MRPS14: variants seen among roughly 807,000 people sequenced by gnomAD.
MRPS14 encodes mitochondrial ribosomal protein S14.
A neutral mutation model predicts 16.4 loss-of-function variants in MRPS14; 14 were observed. The observed-to-expected ratio is 0.85, with a 90% CI of 0.56 to 1.33. The LOEUF (loss-of-function observed/expected upper bound fraction) is 1.33. Among genes scored for constraint, MRPS14 ranks in the 40% most tolerant of loss-of-function variants. The pLI is 0.00. For synonymous variants in MRPS14, 54 were observed against 61.9 expected (o/e 0.87, Z 0.60); for missense variants, 162 against 176.8 (o/e 0.92, Z 0.48).
chr1:175,020,792 G>A (rs1425274004), intron 1 of MRPS14, among the ~76,000 whole-genome samples: 1 of 152,060 alleles, frequency 6.6e-6, no homozygotes, highest in Non-Finnish European at 1.5e-5. Context: ...TATTTCTTCT[G>A]TGAACATTTT....
intron 2 of MRPS14, among the ~76,000 whole-genome samples, chr1:175,015,779 T>C (rs906337911): frequency 1.3e-5 from 2 of 152,202 alleles, no homozygotes; most frequent in African/African-American, 4.8e-5. Context: ...ATGGACCCTG[T>C]GCTAGACTGC....
chr1:175,022,434 CCTCT>C (rs200235646), intron 1 of MRPS14: 3 of 148,198 alleles, frequency 2.0e-5, no homozygotes, highest in African/African-American at 5.1e-5. Flanking sequence ...GACCCCATAG[CCTCT>C]CTCTCTTTTT....
At chr1:175,022,054 T>A (rs868215088) in intron 1 of MRPS14, among the ~76,000 whole-genome samples, 2 of 152,202 alleles carry the variant, frequency 1.3e-5, no homozygotes, top group African/African-American at 2.4e-5. Flanking sequence ...TAATTAAAAT[T>A]CAAAACCAAA....
chr1:175,018,712 G>T, intron 1 of MRPS14, 136 bp from the exon 2 acceptor site: 1 of 724,906 alleles, frequency 1.4e-6, no homozygotes. Flanking sequence ...CAGTTTAATA[G>T]TTTAAGATAA....
chr1:175,020,311 G>T (rs1672958592), intron 1 of MRPS14, among the ~76,000 whole-genome samples: 1 of 152,120 alleles, frequency 6.6e-6, no homozygotes, highest in Admixed American at 6.5e-5. Flanking sequence ...TCACATTGAG[G>T]GGCAATGTGA....
chr1:175,016,204 AAAAC>A (rs1233417612), intron 2 of MRPS14, among the ~76,000 whole-genome samples: 5 of 152,070 alleles, frequency 3.3e-5, no homozygotes, highest in African/African-American at 7.2e-5. Flanking sequence ...CAAAAAAAAA[AAAAC>A]AAAAAAAAAC....
chr1:175,015,257 G>A (rs1223313946), intron 2 of MRPS14, among the ~76,000 whole-genome samples: 1 of 152,106 alleles, frequency 6.6e-6, no homozygotes, highest in Non-Finnish European at 1.5e-5. Context: ...CCACTGGCAG[G>A]TAATGTTCAT....
chr1:175,014,917 A>G (rs1574115799), intron 2 of MRPS14, 66 bp from the exon 3 acceptor site: 2 of 1,374,020 alleles, frequency 1.5e-6, no homozygotes, highest in East Asian at 5.0e-5. Context: ...GCTCCTTCTC[A>G]CTTGCAGGTA....
chr1:175,016,194 C>CA (rs57811664), intron 2 of MRPS14, among the ~76,000 whole-genome samples: 11,215 of 92,640 alleles, frequency 0.12, 443 homozygotes, highest in African/African-American at 0.15. Context: ...AACCCCATCT[C>CA]AAAAAAAAAA....
intron 1 of MRPS14, chr1:175,023,134 G>C: frequency 2.9e-6 from 3 of 1,026,794 alleles, no homozygotes; most frequent in Non-Finnish European, 4.1e-6. Context: ...CTTACAAATC[G>C]GAGTCAATCT....
chr1:175,018,001 G>A (rs1190901419), intron 2 of MRPS14, among the ~76,000 whole-genome samples: 1 of 152,122 alleles, frequency 6.6e-6, no homozygotes, highest in African/African-American at 2.4e-5. Flanking sequence ...GCATGTGCCT[G>A]TAATCCCAGT....
At chr1:175,016,387 A>T (rs1484145974) in intron 2 of MRPS14, among the ~76,000 whole-genome samples, 1 of 152,152 alleles carries the variant, frequency 6.6e-6, no homozygotes, top group Admixed American at 6.5e-5. Context: ...TTGTTCCCCG[A>T]AAGATTTAAG....
rs949150719 is a variant in MRPS14, at chr1:175,014,499, A to G, written c.*170T>C. The G allele has an allele frequency of 5.2e-6, 3 of 574,958 alleles. No individual in the cohort carries two copies. The highest frequency in any genetic ancestry group is 1.9e-5 in the African/African-American group (1 of 53,088). The allele number at this position is 574,958 out of a possible 1,614,324, so 35.6% of individuals were successfully genotyped here. A position where few individuals can be genotyped will look rare whatever the true frequency, so the allele number is the denominator to read the frequency against. On this transcript the variant is annotated 3_prime_UTR_variant, in exon 3 of 3. Coordinates refer to ENST00000476371, the MANE Select transcript of MRPS14 (RefSeq NM_022100.3). Reference sequence around the variant, plus strand: ...AGAGAAAAGATAATTCACTGACATGAAACACCCAAATGTCTTCATTTTAAA... The same window carrying G: ...AGAGAAAAGATAATTCACTGACATGGAACACCCAAATGTCTTCATTTTAAA...
At chr1:175,015,488 A>ATT (rs1672865086) in intron 2 of MRPS14, among the ~76,000 whole-genome samples, 1 of 152,172 alleles carries the variant, frequency 6.6e-6, no homozygotes, top group Non-Finnish European at 1.5e-5. Context: ...CTAGAGAAGG[A>ATT]GGAAGGAGAG....
chr1:175,017,042 T>C (rs1301065910), intron 2 of MRPS14, among the ~76,000 whole-genome samples: 1 of 149,412 alleles, frequency 6.7e-6, no homozygotes, highest in South Asian at 2.1e-4. Flanking sequence ...CTCAGTTTCT[T>C]GGGGGCCCCC....
chr1:175,020,561 T>G (rs1672963215), intron 1 of MRPS14, among the ~76,000 whole-genome samples: 1 of 152,056 alleles, frequency 6.6e-6, no homozygotes, highest in East Asian at 1.9e-4. Flanking sequence ...CAGGCTGGAG[T>G]GCAATGACGC....
chr1:175,022,404 A>C (rs1313056382), intron 1 of MRPS14: 4 of 151,684 alleles, frequency 2.6e-5, no homozygotes, highest in Non-Finnish European at 5.9e-5. Context: ...CAGGTTCCTA[A>C]GACCAAACTT....
intron 2 of MRPS14, among the ~76,000 whole-genome samples, chr1:175,017,057 C>CTT (rs144706762): frequency 4.0e-5 from 6 of 148,336 alleles, no homozygotes; most frequent in South Asian, 4.3e-4. Context: ...GCCCCCTGCC[C>CTT]TTTTTTTTTT....
chr1:175,023,308 G>A, intron 1 of MRPS14, 56 bp downstream of exon 1: 2 of 1,600,564 alleles, frequency 1.2e-6, no homozygotes, highest in Non-Finnish European at 1.7e-6. Flanking sequence ...GGGGACCCGT[G>A]GGTTATGAGA....
Sources: allele counts gnomAD v4.1 joint callset (sites outside exome capture counted in the v4.1 genomes callset), GRCh38; gene constraint gnomAD v4.1.1; transcripts MANE v1.5; gene names NCBI Gene and HGNC (gene_info 2026-07-23, HGNC 2026-07-21).